MAGI1: variants seen among roughly 807,000 people sequenced by gnomAD.
The protein encoded by MAGI1 is membrane-associated guanylate kinase, WW and PDZ domain-containing protein 1.
In MAGI1, 58 loss-of-function variants were observed where a neutral mutation model predicts 139.9. That is an observed-to-expected ratio of 0.41 (90% CI 0.34 to 0.52). The LOEUF (loss-of-function observed/expected upper bound fraction) is 0.52, where lower values mean the gene tolerates loss of function less well. Ranked by LOEUF, MAGI1 falls within the 20% of genes least tolerant of loss-of-function variation. The pLI, the probability that MAGI1 is intolerant of heterozygous loss-of-function variation, is 0.12. For synonymous variants in MAGI1, 812 were observed against 737.9 expected, an observed-to-expected ratio of 1.10 and a Z score of -1.63; for missense variants, 1,874 against 1,901.6, an observed-to-expected ratio of 0.99 and a Z score of 0.27.
intron 2 of MAGI1, among the ~76,000 whole-genome samples, chr3:65,494,014 A>T (rs1234376386): frequency 1.3e-5 from 2 of 152,222 alleles, no homozygotes. Flanking sequence ...CCTTAAGCTC[A>T]GAGCCTAAGG....
At chr3:65,479,795 A>T (rs985740981) in intron 3 of MAGI1, among the ~76,000 whole-genome samples, 10 of 152,178 alleles carry the variant, frequency 6.6e-5, no homozygotes, top group African/African-American at 2.4e-4. Context: ...TTTTAAAGAT[A>T]ACATTAAATA....
chr3:65,417,680 C>T (rs892922003), intron 12 of MAGI1, among the ~76,000 whole-genome samples: 2 of 152,084 alleles, frequency 1.3e-5, no homozygotes, highest in African/African-American at 4.8e-5. Context: ...TTTGTGTATG[C>T]TGTCTTTGGG....
At chr3:65,979,088 T>TCCCCACCCCCC (rs2065419889) in intron 1 of MAGI1, among the ~76,000 whole-genome samples, 1 of 52,970 alleles carries the variant, frequency 1.9e-5, no homozygotes, top group Non-Finnish European at 3.6e-5. Context: ...TTTCTTTTCT[T>TCCCCACCCCCC]CCCCCCCCCC....
chr3:65,904,219 A>C lies in MAGI1; in HGVS notation c.313+133777T>G, dbSNP rs180944479. Among the ~76,000 whole-genome samples the C allele has an allele frequency of 5.8e-4, 88 of 152,374 alleles. 1 individual carries two copies. The highest frequency in any genetic ancestry group is 6.8e-3 in the Middle Eastern group (2 of 294). ...GCTGATATTTCACAAAATATGCAGC[A>C]AGGAGAGCCCATGAGGGCAAGAATG... On this transcript the variant is annotated intron_variant, in intron 1 of 22. Coordinates refer to ENST00000402939, the MANE Select transcript of MAGI1 (RefSeq NM_001033057.2).
intron 2 of MAGI1, among the ~76,000 whole-genome samples, chr3:65,560,126 A>C (rs2080274920): frequency 1.3e-5 from 2 of 152,222 alleles, no homozygotes; most frequent in South Asian, 4.1e-4. Context: ...TAAAATATTT[A>C]ATATCTTCCC....
At chr3:65,480,544 A>AC (rs1951211366) in intron 3 of MAGI1, among the ~76,000 whole-genome samples, 1 of 151,618 alleles carries the variant, frequency 6.6e-6, no homozygotes, top group Non-Finnish European at 1.5e-5. Flanking sequence ...CAAAAAAAAA[A>AC]AAATTGCTTC....
intron 1 of MAGI1, among the ~76,000 whole-genome samples, chr3:65,900,049 C>CT (rs1245649835): frequency 6.6e-6 from 1 of 151,984 alleles, no homozygotes; most frequent in Non-Finnish European, 1.5e-5. Context: ...TTCAGATTAG[C>CT]TTTTACATTA....
At chr3:65,679,633 C>T (rs1417963069) in intron 1 of MAGI1, among the ~76,000 whole-genome samples, 2 of 152,094 alleles carry the variant, frequency 1.3e-5, no homozygotes, top group African/African-American at 4.8e-5. Context: ...CAGTCCAGGG[C>T]ACAGAAACAC....
intron 1 of MAGI1, among the ~76,000 whole-genome samples, chr3:65,691,118 C>T (rs6763374): frequency 0.91 from 138,676 of 151,640 alleles, 63,499 homozygotes; most frequent in East Asian, 0.96. Context: ...TTGGCTAACA[C>T]GGGGAAACCC....
At chr3:66,004,668 A>G (rs1277582429) in intron 1 of MAGI1, among the ~76,000 whole-genome samples, 1 of 152,180 alleles carries the variant, frequency 6.6e-6, no homozygotes, top group Non-Finnish European at 1.5e-5. Flanking sequence ...CTGGCATGGG[A>G]GCTATTTTTT....
At chr3:65,477,706 T>C (rs1185070306) in intron 4 of MAGI1, among the ~76,000 whole-genome samples, 1 of 109,786 alleles carries the variant, frequency 9.1e-6, no homozygotes, top group Admixed American at 8.6e-5. Flanking sequence ...ATTATTATTA[T>C]TATTATTTTT....
intron 1 of MAGI1, among the ~76,000 whole-genome samples, chr3:65,679,828 G>T (rs556247864): frequency 1.3e-5 from 2 of 152,222 alleles, no homozygotes; most frequent in Non-Finnish European, 2.9e-5. Flanking sequence ...CTATAAACTA[G>T]AATAAATCCA....
At chr3:65,357,864 A>C (rs12107447) in intron 22 of MAGI1, among the ~76,000 whole-genome samples, 12,092 of 152,224 alleles carry the variant, frequency 0.079, 628 homozygotes, top group African/African-American at 0.15. Flanking sequence ...GGCCCATTAA[A>C]CTGTCCTATC....
At chr3:65,569,526 T>C (rs1039190667) in intron 2 of MAGI1, among the ~76,000 whole-genome samples, 3 of 151,316 alleles carry the variant, frequency 2.0e-5, no homozygotes, top group Non-Finnish European at 2.9e-5. Flanking sequence ...ATCAAAACTG[T>C]AGGTAAGTTT....
intron 2 of MAGI1, among the ~76,000 whole-genome samples, chr3:65,568,214 C>G (rs2080767124): frequency 6.6e-6 from 1 of 152,194 alleles, no homozygotes; most frequent in Non-Finnish European, 1.5e-5. Flanking sequence ...GATAGTGAAG[C>G]AGGAATTGTT....
At chr3:65,565,942 TA>T in intron 2 of MAGI1, among the ~76,000 whole-genome samples, 1 of 149,796 alleles carries the variant, frequency 6.7e-6, no homozygotes, top group Non-Finnish European at 1.5e-5. Flanking sequence ...GCAACAGTAA[TA>T]TTTACAGGCA....
intron 14 of MAGI1, among the ~76,000 whole-genome samples, chr3:65,390,323 G>C (rs559088012): frequency 2.0e-5 from 3 of 152,164 alleles, no homozygotes; most frequent in African/African-American, 7.2e-5. Context: ...ATACCAAAAA[G>C]AGAAAATGAG....
chr3:65,831,734 G>A (rs1278382285), intron 1 of MAGI1, among the ~76,000 whole-genome samples: 5 of 152,178 alleles, frequency 3.3e-5, no homozygotes, highest in Admixed American at 3.3e-4. Context: ...CTACTGGAGA[G>A]AATTTACTTG....
intron 1 of MAGI1, among the ~76,000 whole-genome samples, chr3:65,887,411 G>C (rs151209730): frequency 2.8e-4 from 41 of 148,392 alleles, no homozygotes; most frequent in African/African-American, 1.0e-3. Context: ...AAAAAGGGCA[G>C]GGGCAAGAGG....
Sources: gnomAD v4.1 joint callset for allele counts (sites outside exome capture counted in the v4.1 genomes callset) on GRCh38, gnomAD v4.1.1 for gene constraint, MANE v1.5 for transcripts, NCBI Gene and HGNC (gene_info 2026-07-23, HGNC 2026-07-21) for gene names.